ATP2B2: variants seen among roughly 807,000 people sequenced by gnomAD.
ATP2B2 encodes ATPase plasma membrane Ca2+ transporting 2.
ATP2B2 carries 15 observed loss-of-function variants against 120.0 expected under a neutral mutation model. The observed-to-expected ratio is 0.12, with a 90% CI of 0.08 to 0.19. The LOEUF (loss-of-function observed/expected upper bound fraction) is 0.19, where lower values mean the gene tolerates loss of function less well. Among genes scored for constraint, ATP2B2 ranks in the 10% least tolerant of loss-of-function variants. The pLI, the probability that ATP2B2 is intolerant of heterozygous loss-of-function variation, is 1.00. For missense variants in ATP2B2, 1,045 were observed against 1,719.8 expected (o/e 0.61, Z 6.94); for synonymous variants, 694 against 700.3 (o/e 0.99, Z 0.14).
At chr3:10,484,316 C>A (rs1009847794) in intron 1 of ATP2B2, among the ~76,000 whole-genome samples, 1 of 152,262 alleles carries the variant, frequency 6.6e-6, no homozygotes, top group East Asian at 1.9e-4. Context: ...GAACACACAG[C>A]CCCCTCCCTG....
Position 10,385,175 on chromosome 3 carries a change from G to A in ATP2B2, c.1000+93C>T, listed in dbSNP as rs543569894. 3.2e-6 allele frequency: 4 copies of A among 1,265,658 alleles called. No individual in the cohort carries two copies. The African/African-American group carries it at 5.9e-5, about 19-fold the overall frequency. 78.4% of individuals were successfully genotyped at this position (1,265,658 alleles called of 1,614,324 possible). A position where few individuals can be genotyped will look rare whatever the true frequency, so the allele number is the denominator to read the frequency against. ...CGGCCCATGCACATCCGAGATCTGT[G>A]CAGTCCAGAACAAGGAAAGAAAGCC... On this transcript the variant is annotated intron_variant, in intron 8 of 22. Coordinates refer to ENST00000360273, the MANE Select transcript of ATP2B2 (RefSeq NM_001001331.4).
chr3:10,386,594 C>T (rs1406144044), intron 6 of ATP2B2, 82 bp from the exon 7 acceptor site: 4 of 1,448,784 alleles, frequency 2.8e-6, no homozygotes, highest in Non-Finnish European at 3.9e-6. Flanking sequence ...CACACACAAA[C>T]ACACATGTGC....
intron 1 of ATP2B2, among the ~76,000 whole-genome samples, chr3:10,682,229 GTC>G (rs2071400927): frequency 6.6e-6 from 1 of 152,200 alleles, no homozygotes. Context: ...CCACCACAAA[GTC>G]TGAAATCCTC....
chr3:10,348,866 C>T (rs1330862304), intron 16 of ATP2B2, among the ~76,000 whole-genome samples: 1 of 152,232 alleles, frequency 6.6e-6, no homozygotes, highest in Non-Finnish European at 1.5e-5. Flanking sequence ...GGCAGGACCT[C>T]AGTAAACAGT....
rs376211712 is a variant in ATP2B2 at position 10,411,680 on chromosome 3, T to C, written c.200-865A>G. 2.0e-5 allele frequency among the ~76,000 whole-genome samples: 3 copies of C among 152,338 alleles called. No individual in the cohort carries two copies. In the East Asian group the frequency reaches 5.8e-4, roughly 29 times the overall value. On this transcript the variant is annotated intron_variant, in intron 2 of 22. Coordinates refer to ENST00000360273, the MANE Select transcript of ATP2B2 (RefSeq NM_001001331.4). ...GGTCCATGAGCATTTATTGAGCACCTACCAAGTGCCTGGCACTGTTGCAGA... is the reference window on the plus strand; with the variant it reads ...GGTCCATGAGCATTTATTGAGCACCCACCAAGTGCCTGGCACTGTTGCAGA...
At position 10,355,889 on chromosome 3, in the gene ATP2B2, C is replaced by T. The variant is rs1192607009; in HGVS notation, c.2136+2802G>A. Among the ~76,000 whole-genome samples the T allele has an allele frequency of 4.1e-5, 2 of 49,132 alleles. 1 individual carries two copies. Among genetic ancestry groups the T allele is most frequent in the African/African-American group, 1.2e-4 (2 of 16,018 alleles). The allele number at this position is 49,132 out of a possible 152,430, so 32.2% of individuals were successfully genotyped here. On this transcript the variant is annotated intron_variant, in intron 14 of 22. Coordinates refer to ENST00000360273, the MANE Select transcript of ATP2B2 (RefSeq NM_001001331.4). ...GAGATCGAGACCATCCTGGCTAACA[C>T]GGTGAAACCCCGTCTCTACTAAAAA...
intron 14 of ATP2B2, among the ~76,000 whole-genome samples, chr3:10,354,213 G>T (rs2060651542): frequency 6.6e-6 from 1 of 152,078 alleles, no homozygotes; most frequent in East Asian, 1.9e-4. Context: ...ACTTAATTTT[G>T]TTGCTCACTC....
chr3:10,680,348 T>C (rs896924945), intron 1 of ATP2B2, among the ~76,000 whole-genome samples: 1 of 151,922 alleles, frequency 6.6e-6, no homozygotes, highest in Non-Finnish European at 1.5e-5. Flanking sequence ...AGTGGTAGGT[T>C]GGCCTATGGA....
intron 5 of ATP2B2, among the ~76,000 whole-genome samples, chr3:10,394,117 C>T (rs1206375006): frequency 1.3e-5 from 2 of 151,948 alleles, no homozygotes; most frequent in Admixed American, 1.3e-4. Context: ...ACCTTTTAGG[C>T]CTCTCCCTGG....
chr3:10,350,098 C>T lies in ATP2B2; in HGVS notation c.2404+14G>A, dbSNP rs374485272. The T allele has an allele frequency of 1.9e-5, 31 of 1,613,564 alleles. No individual in the cohort carries two copies. The highest frequency in any genetic ancestry group is 1.9e-4 in the African/African-American group (14 of 74,892). The stretch of plus-strand genomic sequence containing the variant: ...GCTGGGCTTCAGGATTGCCCGTGCC[C>T]GCCCAAGTCTTACCTTTAACCAGGG... On this transcript the variant is annotated intron_variant, in intron 16 of 22. Transcript: ENST00000360273.
intron 2 of ATP2B2, among the ~76,000 whole-genome samples, chr3:10,418,250 G>A (rs7649656): frequency 0.33 from 49,832 of 152,074 alleles, 9,942 homozygotes; most frequent in African/African-American, 0.54. Context: ...GGCATTTAAA[G>A]TCATTTTGTA....
At chr3:10,458,635 G>C (rs1274592618) in intron 1 of ATP2B2, among the ~76,000 whole-genome samples, 1 of 138,618 alleles carries the variant, frequency 7.2e-6, no homozygotes, top group East Asian at 2.2e-4. Flanking sequence ...ATCTTGGTGT[G>C]ATGACTATGA....
intron 2 of ATP2B2, among the ~76,000 whole-genome samples, chr3:10,616,719 A>AT (rs1013124519): frequency 5.3e-5 from 8 of 152,108 alleles, no homozygotes; most frequent in African/African-American, 1.7e-4. Flanking sequence ...GGGGCAGAGG[A>AT]TTTTTTCTTA....
Position 10,667,339 on chromosome 3 carries a change from A to AAT in ATP2B2, c.-460+40574_-460+40575dup, listed in dbSNP as rs556069545. ...TCAGCCTGGGCCTCTCAGACACCAC[A>AAT]ATATTATGTCTTTGGGTGATTCAGA... is the stretch of plus-strand genomic sequence containing the variant. On this transcript the variant is annotated intron_variant, in intron 1 of 21. Coordinates refer to the ATP2B2 transcript ENST00000646379. 1.3e-3 allele frequency among the ~76,000 whole-genome samples: 196 copies of AAT among 152,228 alleles called. 2 individuals are homozygous for AAT. The highest frequency in any genetic ancestry group is 4.5e-3 in the African/African-American group (185 of 41,546).
At chr3:10,495,499 G>A (rs1194050705) in intron 1 of ATP2B2, among the ~76,000 whole-genome samples, 2 of 152,210 alleles carry the variant, frequency 1.3e-5, no homozygotes, top group Non-Finnish European at 2.9e-5. Flanking sequence ...CCCTAGCATC[G>A]AAATTGCTCG....
intron 5 of ATP2B2, among the ~76,000 whole-genome samples, chr3:10,389,028 T>C (rs986984844): frequency 2.0e-5 from 3 of 151,864 alleles, no homozygotes; most frequent in Non-Finnish European, 2.9e-5. Flanking sequence ...ATTTCAAGGC[T>C]TTATTTGGAA....
chr3:10,648,672 A>G (rs1418965950), intron 1 of ATP2B2, among the ~76,000 whole-genome samples: 1 of 152,180 alleles, frequency 6.6e-6, no homozygotes, highest in African/African-American at 2.4e-5. Context: ...TCTCAATGAA[A>G]GTACCACTTT....
rs2060295082 is a variant in ATP2B2 at position 10,342,086 on chromosome 3, G to T, written c.2917+666C>A. 6.6e-6 allele frequency among the ~76,000 whole-genome samples: 1 copy of T among 152,224 alleles called. No homozygotes were observed. The highest frequency in any genetic ancestry group is 1.5e-5 in the Non-Finnish European group (1 of 68,048). ...CATCTGTGACCTGGGGATAGGCTTT[G>T]TTGGGATTGCCTCCGAAGCATCTGT... On this transcript the variant is annotated intron_variant, in intron 19 of 22. Coordinates refer to ENST00000360273, the MANE Select transcript of ATP2B2 (RefSeq NM_001001331.4). This position sits in a 1 kb window ranked among gnomAD's most constrained non-coding sequence, Gnocchi z 4.4.
chr3:10,633,861 A>AAGACATAAC (rs2069943560), intron 1 of ATP2B2, among the ~76,000 whole-genome samples: 1 of 152,200 alleles, frequency 6.6e-6, no homozygotes, highest in Non-Finnish European at 1.5e-5. Context: ...CCATGCTGCC[A>AAGACATAAC]AGACATAACA....
Sources: gnomAD v4.1 joint callset for allele counts (sites outside exome capture counted in the v4.1 genomes callset) on GRCh38, gnomAD v4.1.1 for gene constraint, Gnocchi (gnomAD v3.1) non-coding constraint, MANE v1.5 for transcripts, NCBI Gene and HGNC (gene_info 2026-07-23, HGNC 2026-07-21) for gene names.